TTC28: variants seen among roughly 807,000 people sequenced by gnomAD.
The protein encoded by TTC28 is tetratricopeptide repeat protein 28.
Under a neutral mutation model 198.0 loss-of-function variants are expected in TTC28, and 61 were observed. The observed-to-expected ratio is 0.31, with a 90% CI of 0.25 to 0.38. The LOEUF is 0.38. TTC28 is among the 10% of genes least tolerant of loss of function. The pLI, the probability that TTC28 is intolerant of heterozygous loss-of-function variation, is 1.00. For missense variants in TTC28, 2,678 were observed against 3,164.0 expected, an observed-to-expected ratio of 0.85 and a Z score of 3.69; for synonymous variants, 1,171 against 1,297.8, an observed-to-expected ratio of 0.90 and a Z score of 2.10.
chr22:28,086,389 TG>T (rs1299330295), intron 12 of TTC28, among the ~76,000 whole-genome samples: 1 of 152,142 alleles, frequency 6.6e-6, no homozygotes, highest in Non-Finnish European at 1.5e-5. Flanking sequence ...ACATGGAAAC[TG>T]AACAACCTGC....
chr22:28,137,391 C>A (rs1943223576), intron 6 of TTC28, among the ~76,000 whole-genome samples: 1 of 152,170 alleles, frequency 6.6e-6, no homozygotes, highest in African/African-American at 2.4e-5. Flanking sequence ...TCTCTCTCTG[C>A]CTTTCCTCTC....
intron 6 of TTC28, among the ~76,000 whole-genome samples, chr22:28,153,317 G>A (rs996182549): frequency 2.7e-5 from 4 of 147,374 alleles, no homozygotes; most frequent in Non-Finnish European, 5.9e-5. Flanking sequence ...TTTGAAAATA[G>A]GAGAAAAAGA....
At chr22:28,307,377 A>G (rs1480794384) in intron 2 of TTC28, among the ~76,000 whole-genome samples, 1 of 152,268 alleles carries the variant, frequency 6.6e-6, no homozygotes, top group Non-Finnish European at 1.5e-5. Context: ...GAATTTTAGA[A>G]TAGTTTTAAG....
At chr22:28,388,275 G>A (rs2046650411) in intron 2 of TTC28, among the ~76,000 whole-genome samples, 1 of 152,352 alleles carries the variant, frequency 6.6e-6, no homozygotes, top group African/African-American at 2.4e-5. Context: ...AAGTCAGGTA[G>A]TGTGATGCCT....
chr22:28,228,193 T>C (rs1263624613), intron 5 of TTC28, among the ~76,000 whole-genome samples: 1 of 151,620 alleles, frequency 6.6e-6, no homozygotes, highest in Non-Finnish European at 1.5e-5. Context: ...AGAATGATGG[T>C]TGCTACAGGC....
intron 2 of TTC28, among the ~76,000 whole-genome samples, chr22:28,493,078 T>A (rs1165779710): frequency 2.7e-5 from 4 of 147,652 alleles, no homozygotes; most frequent in African/African-American, 9.9e-5. Context: ...AAGTTTTGGC[T>A]GGGTGCAGAG....
At chr22:28,678,558 G>A (rs2052039243) in intron 1 of TTC28, among the ~76,000 whole-genome samples, 1 of 152,130 alleles carries the variant, frequency 6.6e-6, no homozygotes, top group African/African-American at 2.4e-5. Context: ...CATGTACCCT[G>A]CTTTTGCCTA....
intron 5 of TTC28, among the ~76,000 whole-genome samples, chr22:28,192,118 A>G (rs1924860872): frequency 6.6e-6 from 1 of 152,102 alleles, no homozygotes; most frequent in Non-Finnish European, 1.5e-5. Flanking sequence ...AGGCAGCAAC[A>G]TTTGCTGTTC....
chr22:28,328,038 G>A (rs535779785), intron 2 of TTC28, among the ~76,000 whole-genome samples: 52 of 152,184 alleles, frequency 3.4e-4, no homozygotes, highest in South Asian at 4.2e-4. Context: ...GAGACAGGGA[G>A]TAAACACACA....
chr22:28,210,985 C>T (rs763459992), intron 5 of TTC28, among the ~76,000 whole-genome samples: 3 of 152,176 alleles, frequency 2.0e-5, no homozygotes, highest in Non-Finnish European at 2.9e-5. Flanking sequence ...CAATATTCAA[C>T]ATTCTTAAAA....
intron 6 of TTC28, among the ~76,000 whole-genome samples, chr22:28,153,439 T>C (rs938442617): frequency 1.4e-5 from 2 of 147,682 alleles, no homozygotes; most frequent in African/African-American, 4.9e-5. Flanking sequence ...TTGTTTTTTG[T>C]TTTTTTTTTA....
At chr22:28,124,572 C>A (rs1942870897) in intron 6 of TTC28, among the ~76,000 whole-genome samples, 1 of 152,188 alleles carries the variant, frequency 6.6e-6, no homozygotes, top group Non-Finnish European at 1.5e-5. Context: ...TGCCGTAGGT[C>A]ACACATCTAG....
At chr22:28,338,141 T>C (rs1426561612) in intron 2 of TTC28, among the ~76,000 whole-genome samples, 1 of 152,228 alleles carries the variant, frequency 6.6e-6, no homozygotes, top group Non-Finnish European at 1.5e-5. Context: ...TTGAAAATTC[T>C]TTTCTTTAAG....
intron 5 of TTC28, among the ~76,000 whole-genome samples, chr22:28,292,625 C>G (rs1347417154): frequency 6.6e-6 from 1 of 152,188 alleles, no homozygotes; most frequent in Non-Finnish European, 1.5e-5. Flanking sequence ...TCTTATCACT[C>G]AGCAAAACAT....
At chr22:28,048,215 A>G (rs1939942456) in intron 12 of TTC28, among the ~76,000 whole-genome samples, 1 of 152,102 alleles carries the variant, frequency 6.6e-6, no homozygotes, top group African/African-American at 2.4e-5. Context: ...TCACCCACAT[A>G]TCCTGGAGGC....
At chr22:28,302,705 C>CT (rs1569248249) in intron 3 of TTC28, among the ~76,000 whole-genome samples, 1 of 152,112 alleles carries the variant, frequency 6.6e-6, no homozygotes, top group Non-Finnish European at 1.5e-5. Flanking sequence ...GAGTCTCACT[C>CT]TGTCTGTCAC....
At chr22:28,567,217 GAAAAAAAAA>G (rs962703897) in intron 2 of TTC28, among the ~76,000 whole-genome samples, 2 of 83,064 alleles carry the variant, frequency 2.4e-5, no homozygotes, top group Non-Finnish European at 4.7e-5. Context: ...CTCCATCTCG[GAAAAAAAAA>G]AAAAAAAAAA....
At chr22:28,240,157 A>G (rs1032905204) in intron 5 of TTC28, among the ~76,000 whole-genome samples, 1 of 152,248 alleles carries the variant, frequency 6.6e-6, no homozygotes, top group Non-Finnish European at 1.5e-5. Flanking sequence ...GCCCTCAGGC[A>G]AAGACAAAAA....
rs114807605 is a variant in TTC28, at chr22:28,585,669, T to C, written c.381+43883A>G. Among the ~76,000 whole-genome samples the C allele has an allele frequency of 9.9e-3, 1,510 of 152,218 alleles. 25 individuals are homozygous for C. The highest frequency in any genetic ancestry group is 0.034 in the African/African-American group (1,409 of 41,514). ...TGTAGTAAGCCTTATCTACATTTTA[T>C]AGAAATTAAGCCTCAGAGGGGCTAG... On this transcript the variant is annotated intron_variant, in intron 2 of 22. Transcript: ENST00000397906.
Sources: allele counts gnomAD v4.1 joint callset (sites outside exome capture counted in the v4.1 genomes callset), GRCh38; gene constraint gnomAD v4.1.1; transcripts MANE v1.5; gene names NCBI Gene and HGNC (gene_info 2026-07-23, HGNC 2026-07-21).